NAIP: variants seen among roughly 807,000 people sequenced by gnomAD.
NAIP encodes the protein baculoviral IAP repeat-containing protein 1.
A neutral mutation model predicts 23.0 loss-of-function variants in NAIP; 15 were observed. The observed-to-expected ratio is 0.65, with a 90% CI of 0.44 to 1.00. NAIP has a LOEUF of 1.00. Ranked by LOEUF, NAIP falls within the 50% of genes least tolerant of loss-of-function variation. The probability of loss-of-function intolerance (pLI) is 0.00; values close to 1 mark genes in which losing one functional copy is unlikely to be tolerated. For synonymous variants in NAIP, 100 were observed against 100.2 expected (o/e 1.00, Z 0.01); for missense variants, 265 against 278.8 (o/e 0.95, Z 0.35).
intron 13 of NAIP, among the ~76,000 whole-genome samples, chr5:70,978,109 G>GCACACA (rs1216316391): frequency 0.034 from 768 of 22,272 alleles, 2 homozygotes; most frequent in African/African-American, 0.059. Flanking sequence ...ATATATGTAT[G>GCACACA]CACACACACA....
intron 12 of NAIP, among the ~76,000 whole-genome samples, chr5:70,980,881 CATT>C (rs1750524959): frequency 1.3e-5 from 1 of 79,564 alleles, no homozygotes; most frequent in Admixed American, 1.2e-4. Context: ...GCACAAAGGA[CATT>C]ATAAATAAAG....
At chr5:71,013,530 C>T (rs1347142495) in intron 3 of NAIP, among the ~76,000 whole-genome samples, 1 of 150,068 alleles carries the variant, frequency 6.7e-6, no homozygotes, top group African/African-American at 2.4e-5. Flanking sequence ...GTCCCAGCTA[C>T]TCGGGAGGCT....
rs765038261 is a variant in NAIP at position 71,011,278 on chromosome 5, G to A, written c.665C>T (p.Pro222Leu). The A allele has an allele frequency of 3.2e-6, 5 of 1,579,364 alleles. No individual in the cohort carries two copies. The highest frequency in any genetic ancestry group is 4.3e-6 in the Non-Finnish European group (5 of 1,163,634). ...DPWKEHAKWF[P>L]KCEFLRSKKS... The stretch of plus-strand genomic sequence containing the variant: ...TAAGCAAAAATTATCTACTTACTTG[G>A]GGAACCATTTGGCATGTTCCTTCCA... Residue 222 changes from proline (P) to leucine (L), a missense_variant, in exon 5 of 17, where the codon CCC becomes CTC. Around this residue, in one of 2 missense-constraint regions of NAIP, gnomAD observed 4 missense variants for 19.6 expected, o/e 0.20. Transcript: ENST00000517649.
chr5:71,014,277 T>C (rs1184809868), intron 3 of NAIP, among the ~76,000 whole-genome samples: 1 of 151,326 alleles, frequency 6.6e-6, no homozygotes, highest in African/African-American at 2.4e-5. Flanking sequence ...TCTGTATTTT[T>C]AGTAGACACA....
chr5:71,008,232 G>A (rs1750965440), intron 5 of NAIP, among the ~76,000 whole-genome samples: 1 of 148,856 alleles, frequency 6.7e-6, no homozygotes, highest in African/African-American at 2.5e-5. Flanking sequence ...ACCACGCCTG[G>A]CCAATTTTTG....
chr5:71,008,801 C>CAAA (rs1187402726), intron 5 of NAIP, among the ~76,000 whole-genome samples: 14 of 83,884 alleles, frequency 1.7e-4, no homozygotes, highest in African/African-American at 2.9e-4. Context: ...GAGACTGTCA[C>CAAA]AAAAAAAAAA....
At position 71,012,700 on chromosome 5, in the gene NAIP, C is replaced by T. The variant is rs144684936; in HGVS notation, c.216G>A (p.Pro72=). Residue 72 remains proline (P), a synonymous_variant, in exon 4 of 17, where the codon CCG becomes CCA. Transcript: ENST00000517649. ...TCTCCTGTGGTATCCATGAGCTGTA[C>T]GGCTCATAAGTCACAAAAGTCTTTA... is the stretch of plus-strand genomic sequence containing the variant. ...KRLKTFVTYE[P]YSSWIPQEMA... 1.8e-4 allele frequency: 289 copies of T among 1,611,728 alleles called. No individual in the cohort carries two copies. The African/African-American group carries it at 3.5e-3, about 20-fold the overall frequency.
intron 3 of NAIP, among the ~76,000 whole-genome samples, chr5:71,017,918 G>A (rs1187684839): frequency 7.3e-6 from 1 of 136,316 alleles, no homozygotes; most frequent in African/African-American, 2.8e-5. Flanking sequence ...AAGTGCAGTG[G>A]CATGATTCTA....
intron 4 of NAIP, 39 bp from the exon 5 acceptor site, chr5:71,011,413 G>A: frequency 8.2e-6 from 12 of 1,462,736 alleles, no homozygotes; most frequent in Non-Finnish European, 1.1e-5. Context: ...CCTGGCAGTG[G>A]CACCAGGGGG....
Position 71,012,558 on chromosome 5 carries a change from ACC to A in NAIP, c.356_357del (p.Arg119IlefsTer15). 2 of 1,611,346 alleles carry A rather than the reference ACC, an allele frequency of 1.2e-6. No homozygotes were observed. Among genetic ancestry groups the A allele is most frequent in the South Asian group, 2.2e-5 (2 of 90,934 alleles). On this transcript the variant is annotated frameshift_variant, in exon 4 of 17. Transcript: ENST00000517649. LOFTEE classifies it high-confidence loss of function. The stretch of plus-strand genomic sequence containing the variant: ...AAAAGGAACCCACAATCTGGATGAA[ACC>A]TCTTGTGGTCTTCTATGGGGAGTCT... ...LTRLPIEDHKRFHPDCGFLLN... is the reference protein window; with the variant it reads ...LTRLPIEDHKXFHPDCGFLLN...
intron 3 of NAIP, among the ~76,000 whole-genome samples, chr5:71,015,966 A>G: frequency 7.7e-6 from 1 of 129,062 alleles, no homozygotes; most frequent in Non-Finnish European, 1.7e-5. Context: ...TATAATTCAC[A>G]CATCATAAAA....
Position 71,008,163 on chromosome 5 carries a change from G to A in NAIP, c.668+3112C>T, listed in dbSNP as rs1343443246. On this transcript the variant is annotated intron_variant, in intron 5 of 16. Coordinates refer to ENST00000517649, the MANE Select transcript of NAIP (RefSeq NM_004536.3). Reference sequence around the variant, plus strand: ...CAGCTCACTGCAACCTCTGCCTCCCGGGCTCAAGCAATTCTCCTGCCTCAG... The same window carrying A: ...CAGCTCACTGCAACCTCTGCCTCCCAGGCTCAAGCAATTCTCCTGCCTCAG... Among the ~76,000 whole-genome samples, 6 of 145,272 alleles carry A rather than the reference G, an allele frequency of 4.1e-5. 1 individual carries two copies. The highest frequency in any genetic ancestry group is 1.0e-4 in the African/African-American group (4 of 39,536).
In NAIP at chr5:71,011,494, C is replaced by T. The variant is rs1242259648; in HGVS notation, c.569-120G>A. 16 of 816,700 alleles carry T rather than the reference C, an allele frequency of 2.0e-5. No individual in the cohort carries two copies. In the South Asian group the frequency reaches 2.5e-4, roughly 13 times the overall value. The allele number at this position is 816,700 out of a possible 1,614,324, so 50.6% of individuals were successfully genotyped here. On this transcript the variant is annotated intron_variant, in intron 4 of 16. Transcript: ENST00000517649. ...CAGCGTGGCTGTGCACTCCCGATCT[C>T]ATTGGCCTGAGTCTCCATCCTCAAT...
intron 5 of NAIP, among the ~76,000 whole-genome samples, chr5:71,010,512 C>T (rs1210204040): frequency 2.6e-5 from 4 of 151,646 alleles, no homozygotes; most frequent in East Asian, 3.9e-4. Context: ...TCGGATCCAC[C>T]GGCCTCAGCC....
At chr5:71,011,238 A>C (rs1301493355) in intron 5 of NAIP, 37 bp downstream of exon 5, 7 of 1,513,736 alleles carry the variant, frequency 4.6e-6, no homozygotes, top group Middle Eastern at 1.7e-4. Context: ...CTCAAAAAAA[A>C]AAGAAAGAAA....
At position 71,016,113 on chromosome 5, in the gene NAIP, T is replaced by TA. The variant is rs1182059004; in HGVS notation, c.-3-3196dup. On this transcript the variant is annotated intron_variant, in intron 3 of 16. Transcript: ENST00000517649. ...GGGCAACATAGCTAGACCCTGTCTC[T>TA]AAAAAAACTTTTTTTTTAAGAAAAC... Among the ~76,000 whole-genome samples the TA allele has an allele frequency of 8.0e-5, 12 of 150,128 alleles. 1 individual carries two copies. The highest frequency in any genetic ancestry group is 1.5e-4 in the African/African-American group (6 of 40,874).
intron 5 of NAIP, among the ~76,000 whole-genome samples, chr5:71,009,731 G>T (rs1199949747): frequency 3.3e-5 from 5 of 151,426 alleles, no homozygotes; most frequent in Non-Finnish European, 5.9e-5. Flanking sequence ...GAAAAAAGGT[G>T]GGTAGGAGAT....
Position 71,012,417 on chromosome 5 carries a change from T to C in NAIP, c.499A>G (p.Arg167Gly), listed in dbSNP as rs748137915. The C allele has an allele frequency of 6.2e-6, 10 of 1,611,710 alleles. 1 individual carries two copies. The African/African-American group carries it at 1.2e-4, about 19-fold the overall frequency. Residue 167 changes from arginine (R) to glycine (G), a missense_variant, in exon 4 of 17, where the codon AGG (arginine) becomes GGG (glycine). By Grantham distance (125) the Arg-to-Gly change is moderately radical. Coordinates refer to ENST00000517649, the MANE Select transcript of NAIP (RefSeq NM_004536.3). Reference protein sequence around the residue: ...QEEEARLASFRNWPFYVQGIS... With the variant: ...QEEEARLASFGNWPFYVQGIS... ...CCTTGGACATAAAATGGCCAGTTCC[T>C]GAAGGACGCAAGTCTAGCCTCCTCT...
At position 71,012,828 on chromosome 5, in the gene NAIP, C is replaced by T. The variant is rs1171364930; in HGVS notation, c.88G>A (p.Asp30Asn). 2.5e-6 allele frequency: 4 copies of T among 1,611,932 alleles called. No individual in the cohort carries two copies. The highest frequency in any genetic ancestry group is 1.1e-5 in the South Asian group (1 of 90,960). The change falls in exon 4 of 17, where the codon GAT (aspartate) becomes AAT (asparagine). Residue 30 changes from aspartate (D) to asparagine (N), a missense_variant. Physicochemically the swap from Asp to Asn is conservative, Grantham distance 23. Coordinates refer to ENST00000517649, the MANE Select transcript of NAIP (RefSeq NM_004536.3). ...AGTTCCTTTGCCAACTGAACTGCAT[C>T]TAGGCCCAGAAGAGCAGACAGCTCT... ...LPELSALLGL[D>N]AVQLAKELEE...
Sources: allele counts gnomAD v4.1 joint callset (sites outside exome capture counted in the v4.1 genomes callset), GRCh38; gene constraint gnomAD v4.1.1; regional missense constraint gnomAD v4.1.1; transcripts MANE v1.5; gene names NCBI Gene and HGNC (gene_info 2026-07-23, HGNC 2026-07-21).